ADAMTS19: variants seen among roughly 807,000 people sequenced by gnomAD.
The protein encoded by ADAMTS19 is A disintegrin and metalloproteinase with thrombospondin motifs 19.
A neutral mutation model predicts 153.3 loss-of-function variants in ADAMTS19; 93 were observed. The ratio of observed to expected loss-of-function variants is 0.61; its 90% CI spans 0.51 to 0.72. ADAMTS19 has a LOEUF of 0.72. Ranked by LOEUF, ADAMTS19 falls within the 30% of genes least tolerant of loss-of-function variation. ADAMTS19 has a pLI of 0.00. For missense variants in ADAMTS19, 1,482 were observed against 1,552.1 expected, an observed-to-expected ratio of 0.95 and a Z score of 0.76; for synonymous variants, 600 against 556.6, an observed-to-expected ratio of 1.08 and a Z score of -1.10.
Position 129,492,429 on chromosome 5 carries a change from A to G in ADAMTS19, c.748-16648A>G, listed in dbSNP as rs142276252. ...AAGATTGAGACTGGTGGTCAAAGAG[A>G]TTATTAAACTTACTGATAAATTTGA... is the stretch of plus-strand genomic sequence containing the variant. On this transcript the variant is annotated intron_variant, in intron 2 of 22. Transcript: ENST00000274487. Among the ~76,000 whole-genome samples, 522 of 152,134 alleles carry G rather than the reference A, an allele frequency of 3.4e-3. 2 individuals carry two copies. Among genetic ancestry groups the G allele is most frequent in the African/African-American group, 9.8e-3 (406 of 41,486 alleles).
chr5:129,609,529 T>G (rs1412900991), intron 8 of ADAMTS19, among the ~76,000 whole-genome samples: 1 of 152,194 alleles, frequency 6.6e-6, no homozygotes, highest in East Asian at 1.9e-4. Context: ...TTTAGAGGTT[T>G]TTAACCAGAT....
intron 2 of ADAMTS19, among the ~76,000 whole-genome samples, chr5:129,488,245 GATTT>G (rs1561535852): frequency 6.6e-6 from 1 of 152,124 alleles, no homozygotes; most frequent in Middle Eastern, 3.4e-3. Flanking sequence ...TTTCTATAGA[GATTT>G]ATAGTTGTAC....
intron 21 of ADAMTS19, among the ~76,000 whole-genome samples, chr5:129,731,883 G>A (rs1561675765): frequency 6.6e-6 from 1 of 151,552 alleles, no homozygotes; most frequent in African/African-American, 2.4e-5. Flanking sequence ...AACCCTTTAA[G>A]CAAAATATTC....
chr5:129,489,358 A>T (rs1312018139), intron 2 of ADAMTS19, among the ~76,000 whole-genome samples: 5 of 152,246 alleles, frequency 3.3e-5, no homozygotes, highest in African/African-American at 1.2e-4. Context: ...TATTGCTTTA[A>T]AGACATACAG....
intron 21 of ADAMTS19, 145 bp downstream of exon 21, chr5:129,704,536 G>A: frequency 1.1e-6 from 1 of 897,236 alleles, no homozygotes; most frequent in East Asian, 2.8e-5. Context: ...CTGGCTGGCT[G>A]TCCATGATCA....
intron 7 of ADAMTS19, among the ~76,000 whole-genome samples, chr5:129,585,958 CT>C (rs1749771357): frequency 6.6e-6 from 1 of 151,680 alleles, no homozygotes; most frequent in Non-Finnish European, 1.5e-5. Flanking sequence ...GTGTTTTGTT[CT>C]GTTTGTTTTG....
intron 6 of ADAMTS19, among the ~76,000 whole-genome samples, chr5:129,529,613 G>A (rs1172605886): frequency 2.0e-5 from 3 of 152,190 alleles, no homozygotes; most frequent in South Asian, 2.1e-4. Context: ...AATTTATTAT[G>A]CAAACATCGC....
chr5:129,708,709 C>G (rs943605957), intron 21 of ADAMTS19, among the ~76,000 whole-genome samples: 2 of 149,556 alleles, frequency 1.3e-5, no homozygotes, highest in African/African-American at 4.9e-5. Flanking sequence ...GTGATTTAAA[C>G]TTATTCAACA....
intron 21 of ADAMTS19, among the ~76,000 whole-genome samples, chr5:129,725,366 C>G (rs1361967374): frequency 2.6e-5 from 4 of 152,026 alleles, no homozygotes. Context: ...TGCACAACGG[C>G]CGGCTCACAC....
chr5:129,498,667 T>TG (rs1751002324), intron 2 of ADAMTS19, among the ~76,000 whole-genome samples: 2 of 152,188 alleles, frequency 1.3e-5, no homozygotes, highest in South Asian at 4.1e-4. Flanking sequence ...ATCGCTCACC[T>TG]GGGACACCAT....
rs746996869 is a variant in ADAMTS19, at chr5:129,622,283, T to C, written c.1705T>C (p.Tyr569His). Residue 569 changes from tyrosine (Y) to histidine (H), a missense_variant, in exon 10 of 23, where the codon TAC becomes CAC. Tyr to His is a moderately conservative substitution (Grantham distance 83). Transcript: ENST00000274487. ...MVPSKLPGMTYTADEQCQILF... is the reference protein window; with the variant it reads ...MVPSKLPGMTHTADEQCQILF... ...TCCCTCCAAGCTGCCAGGGATGACA[T>C]ACACTGCTGATGAACAATGCCAGAT... The C allele has an allele frequency of 7.4e-6, 12 of 1,614,014 alleles. No homozygotes were observed. The highest frequency in any genetic ancestry group is 6.7e-5 in the Admixed American group (4 of 59,994).
At chr5:129,494,988 G>A (rs908803584) in intron 2 of ADAMTS19, among the ~76,000 whole-genome samples, 10 of 151,984 alleles carry the variant, frequency 6.6e-5, no homozygotes, top group Admixed American at 2.6e-4. Flanking sequence ...TTACTTTTGA[G>A]CCATAAGAAA....
At position 129,701,603 on chromosome 5, in the gene ADAMTS19, G is replaced by T. The variant is rs758222894; in HGVS notation, c.3159+11G>T. 1 of 1,612,804 alleles carries T rather than the reference G, an allele frequency of 6.2e-7. No individual in the cohort carries two copies. Among genetic ancestry groups the T allele is most frequent in the Non-Finnish European group, 8.5e-7 (1 of 1,179,112 alleles). On this transcript the variant is annotated intron_variant, in intron 20 of 22. Coordinates refer to ENST00000274487, the MANE Select transcript of ADAMTS19 (RefSeq NM_133638.6). ...GGAGTGTGGTCTGAGGTGCATACATGCCCCCTTTCTTTCCCCATTCCTACT... is the reference window on the plus strand; with the variant it reads ...GGAGTGTGGTCTGAGGTGCATACATTCCCCCTTTCTTTCCCCATTCCTACT...
rs759954561 is a variant in ADAMTS19, at chr5:129,654,255, A to G, written c.2177-51A>G. 4 of 1,524,152 alleles carry G rather than the reference A, an allele frequency of 2.6e-6. No homozygotes were observed. In the South Asian group the frequency reaches 3.8e-5, roughly 15 times the overall value. 94.4% of individuals were successfully genotyped at this position (1,524,152 alleles called of 1,614,324 possible). The stretch of plus-strand genomic sequence containing the variant: ...CTTAAAAATGAAGCTTAAGATAAAA[A>G]TATTTATGGGGTAACTTTTTCTCAT... On this transcript the variant is annotated intron_variant, in intron 13 of 22. Coordinates refer to ENST00000274487, the MANE Select transcript of ADAMTS19 (RefSeq NM_133638.6).
chr5:129,550,050 C>CTAGATATACATATACA (rs1753032173), intron 6 of ADAMTS19, among the ~76,000 whole-genome samples: 6 of 37,476 alleles, frequency 1.6e-4, no homozygotes, highest in Admixed American at 3.5e-4. Flanking sequence ...ATACATGTAT[C>CTAGATATACATATACA]TGTATATGTA....
chr5:129,556,282 G>C (rs559815158), intron 7 of ADAMTS19, among the ~76,000 whole-genome samples: 1 of 152,098 alleles, frequency 6.6e-6, no homozygotes, highest in Admixed American at 6.5e-5. Context: ...CCTGAAATTA[G>C]GATTCATTTC....
intron 12 of ADAMTS19, 106 bp from the exon 13 acceptor site, chr5:129,648,692 A>G (rs1244273452): frequency 2.5e-6 from 2 of 810,018 alleles, no homozygotes; most frequent in African/African-American, 3.6e-5. Flanking sequence ...TCAAAAGTAA[A>G]TATAATATAA....
chr5:129,704,419 A>T (rs1256386536), intron 21 of ADAMTS19, 28 bp downstream of exon 21: 2 of 1,602,618 alleles, frequency 1.2e-6, no homozygotes, highest in Non-Finnish European at 1.7e-6. Context: ...TATTCTCAGT[A>T]ATAGGTTTCA....
intron 8 of ADAMTS19, among the ~76,000 whole-genome samples, chr5:129,619,077 T>C (rs987232207): frequency 6.6e-6 from 1 of 152,034 alleles, no homozygotes; most frequent in East Asian, 1.9e-4. Flanking sequence ...AGGTAGGGGA[T>C]AGTGAAAGAA....
Sources: allele counts gnomAD v4.1 joint callset (sites outside exome capture counted in the v4.1 genomes callset), GRCh38; gene constraint gnomAD v4.1.1; transcripts MANE v1.5; gene names NCBI Gene and HGNC (gene_info 2026-07-23, HGNC 2026-07-21).